MDN1: variants seen among roughly 807,000 people sequenced by gnomAD.
MDN1 encodes the protein midasin.
MDN1 carries 266 observed loss-of-function variants against 669.2 expected under a neutral mutation model. The ratio of observed to expected loss-of-function variants is 0.40; its 90% CI spans 0.36 to 0.44. MDN1 has a LOEUF of 0.44. MDN1 is among the 20% of genes least tolerant of loss of function. MDN1 has a pLI of 1.00. For missense variants in MDN1, 5,940 were observed against 6,754.0 expected, an observed-to-expected ratio of 0.88 and a Z score of 4.22; for synonymous variants, 2,385 against 2,457.1, an observed-to-expected ratio of 0.97 and a Z score of 0.87.
At chr6:89,700,927 T>C in intron 55 of MDN1, 71 bp from the exon 56 acceptor site, 1 of 1,229,926 alleles carries the variant, frequency 8.1e-7, no homozygotes, top group Non-Finnish European at 1.1e-6. Flanking sequence ...CCTATACAGG[T>C]CTCAGAATAA....
intron 77 of MDN1, chr6:89,675,885 T>C: frequency 1.8e-6 from 1 of 547,598 alleles, no homozygotes; most frequent in Non-Finnish European, 3.2e-6. Flanking sequence ...ATTAAGAAAA[T>C]CTGTCCTGCT....
rs564805578 is a variant in MDN1 at position 89,735,442 on chromosome 6, T to C, written c.4724-2667A>G. On this transcript the variant is annotated intron_variant, in intron 33 of 101. Transcript: ENST00000369393. ...AGGCTGGAGTGCAATGGTATAATCATAGTTCATTGTAATCTCAAACTCCTA... is the reference window on the plus strand; with the variant it reads ...AGGCTGGAGTGCAATGGTATAATCACAGTTCATTGTAATCTCAAACTCCTA... Among the ~76,000 whole-genome samples the C allele has an allele frequency of 2.0e-5, 3 of 149,660 alleles. No individual in the cohort carries two copies. The South Asian group carries it at 6.6e-4, about 33-fold the overall frequency.
intron 24 of MDN1, 111 bp downstream of exon 24, chr6:89,750,243 G>C: frequency 8.9e-7 from 1 of 1,120,296 alleles, no homozygotes; most frequent in Non-Finnish European, 1.3e-6. Context: ...AAAGCCGGCT[G>C]TTACAGCAAA....
In MDN1 at chr6:89,701,913, T is replaced by C; in HGVS notation, c.8297A>G (p.Tyr2766Cys). Residue 2766 changes from tyrosine (Y) to cysteine (C), a missense_variant, in exon 54 of 102, where the codon TAT (tyrosine) becomes TGT (cysteine). By Grantham distance (194) the Tyr-to-Cys change is radical (BLOSUM62 -2). Around this residue, in one of 5 missense-constraint regions of MDN1, gnomAD observed 2,292 missense variants for 2,638.3 expected, o/e 0.87. Transcript: ENST00000369393. ...TAAATATGAATCTTACTTGTCTTCA[T>C]AATTCATCAGAAGTCGGGGGATCTG... ...VHQIPRLLMN[Y>C]EDKYYKEVQT... 1.2e-6 allele frequency: 2 copies of C among 1,611,776 alleles called. No homozygotes were observed. The highest frequency in any genetic ancestry group is 1.7e-6 in the Non-Finnish European group (2 of 1,179,312).
rs185480981 is a variant in MDN1, at chr6:89,699,455, C to T, written c.8997+146G>A. ...TTACTATAAAAGAATATTTAAAATT[C>T]TTCCCTTTAAGAGGCAATTCAAAAA... On this transcript the variant is annotated intron_variant, in intron 58 of 101. Coordinates refer to ENST00000369393, the MANE Select transcript of MDN1 (RefSeq NM_014611.3). 580 of 759,072 alleles carry T rather than the reference C, an allele frequency of 7.6e-4. No individual in the cohort carries two copies. In the African/African-American group the frequency reaches 9.4e-3, roughly 12 times the overall value. The allele number at this position is 759,072 out of a possible 1,614,324, so 47.0% of individuals were successfully genotyped here.
intron 10 of MDN1, chr6:89,781,099 G>GT (rs1818649486): frequency 5.4e-6 from 2 of 372,070 alleles, no homozygotes; most frequent in Non-Finnish European, 1.0e-5. Context: ...AAAGAATTAT[G>GT]TTAGGAGCCA....
intron 33 of MDN1, among the ~76,000 whole-genome samples, chr6:89,736,937 C>T (rs1816012813): frequency 6.6e-6 from 1 of 152,186 alleles, no homozygotes; most frequent in Non-Finnish European, 1.5e-5. Flanking sequence ...TTAGTGGCAT[C>T]ACCTGAGGCT....
chr6:89,657,710 C>T (rs528429737), intron 90 of MDN1, among the ~76,000 whole-genome samples: 1 of 152,278 alleles, frequency 6.6e-6, no homozygotes, highest in East Asian at 1.9e-4. Context: ...CGGGGTTTGT[C>T]CTGGGAGGCA....
Position 89,794,084 on chromosome 6 carries a change from G to T in MDN1, c.662+16C>A. On this transcript the variant is annotated intron_variant, in intron 4 of 101. Transcript: ENST00000369393. ...AGAAATGCTATAGCAAGACCTCCAC[G>T]AAGGTTCCTGCTTACCTCAACCTGA... 2 of 1,501,772 alleles carry T rather than the reference G, an allele frequency of 1.3e-6. No homozygotes were observed. Among genetic ancestry groups the T allele is most frequent in the Non-Finnish European group, 1.8e-6 (2 of 1,102,332 alleles). The allele number at this position is 1,501,772 out of a possible 1,614,324, so 93.0% of individuals were successfully genotyped here. A position where few individuals can be genotyped will look rare whatever the true frequency, so the allele number is the denominator to read the frequency against.
chr6:89,667,281 CAA>C (rs1020471811), intron 84 of MDN1, among the ~76,000 whole-genome samples: 1 of 139,124 alleles, frequency 7.2e-6, no homozygotes, highest in Non-Finnish European at 1.6e-5. Context: ...AATATAGGTC[CAA>C]AAAAAAAAAA....
At chr6:89,743,777 C>G (rs1489719667) in intron 29 of MDN1, 63 bp from the exon 30 acceptor site, 11 of 1,546,500 alleles carry the variant, frequency 7.1e-6, no homozygotes, top group Middle Eastern at 1.7e-4. Context: ...ATAAACACCC[C>G]CCCTCAGCAA....
rs1029257456 is a variant in MDN1 at position 89,662,912 on chromosome 6, G to A, written c.14292C>T (p.Gly4764=). The A allele has an allele frequency of 6.2e-6, 10 of 1,613,620 alleles. No homozygotes were observed. The highest frequency in any genetic ancestry group is 1.6e-4 in the Middle Eastern group (1 of 6,084). ...TGTCAGCTTCCTCACCATTGAGATC[G>A]CCCATGTGTTTATCCAGGTCTCCGC... ...SEGGDLDKHM[G]DLNGEEADKL... The change falls in exon 86 of 102, where the codon GGC becomes GGT. Residue 4764 remains glycine, a synonymous_variant. Transcript: ENST00000369393.
chr6:89,762,579 GAAGT>G (rs1373401829), intron 15 of MDN1, 49 bp from the exon 16 acceptor site: 19 of 1,415,890 alleles, frequency 1.3e-5, no homozygotes, highest in Non-Finnish European at 1.8e-5. Context: ...GAAGTTAACA[GAAGT>G]TAGAAAGCAT....
chr6:89,721,796 A>C (rs776956509), intron 40 of MDN1, among the ~76,000 whole-genome samples: 1 of 152,170 alleles, frequency 6.6e-6, no homozygotes, highest in Non-Finnish European at 1.5e-5. Flanking sequence ...AAATTTTTGC[A>C]ATCCAAAAAA....
Position 89,717,017 on chromosome 6 carries a change from T to C in MDN1, c.6584-208A>G, listed in dbSNP as rs1280319768. On this transcript the variant is annotated intron_variant, in intron 43 of 101. Transcript: ENST00000369393. ...ACGTTTTAATGGCTCTCTGTATTAA[T>C]AGCTACTCAGGGTTGACTCTAGGGT... 1.3e-5 allele frequency among the ~76,000 whole-genome samples: 2 copies of C among 152,234 alleles called. 1 individual carries two copies. Among genetic ancestry groups the C allele is most frequent in the African/African-American group, 4.8e-5 (2 of 41,462 alleles).
At chr6:89,647,577 C>T (rs989688315) in intron 99 of MDN1, among the ~76,000 whole-genome samples, 19 of 152,136 alleles carry the variant, frequency 1.2e-4, no homozygotes, top group African/African-American at 4.6e-4. Flanking sequence ...AGAAGTCACA[C>T]CTTGTTTTAT....
chr6:89,752,793 T>C (rs914449654), intron 22 of MDN1, among the ~76,000 whole-genome samples: 2 of 152,120 alleles, frequency 1.3e-5, no homozygotes, highest in Non-Finnish European at 2.9e-5. Flanking sequence ...AACAAAAATA[T>C]ATCCAAGATT....
chr6:89,683,975 G>C, intron 71 of MDN1, 71 bp from the exon 72 acceptor site: 1 of 1,155,566 alleles, frequency 8.7e-7, no homozygotes, highest in African/African-American at 1.5e-5. Flanking sequence ...CTAGATTTCT[G>C]TTCAGCAAAG....
intron 1 of MDN1, among the ~76,000 whole-genome samples, chr6:89,812,072 G>A (rs778159855): frequency 3.6e-4 from 55 of 150,824 alleles, no homozygotes; most frequent in African/African-American, 4.9e-4. Context: ...TGCAACCTCC[G>A]CCTTCCGGGT....
Sources: gnomAD v4.1 joint callset for allele counts (sites outside exome capture counted in the v4.1 genomes callset) on GRCh38, gnomAD v4.1.1 for gene constraint, gnomAD v4.1.1 regional missense constraint, MANE v1.5 for transcripts, NCBI Gene and HGNC (gene_info 2026-07-23, HGNC 2026-07-21) for gene names.